The following GRM1 variants were observed in gnomAD, a reference collection of about 807,000 sequenced individuals.
The protein encoded by GRM1 is glutamate metabotropic receptor 1.
Under a neutral mutation model 90.9 loss-of-function variants are expected in GRM1, and 33 were observed. The ratio of observed to expected loss-of-function variants is 0.36; its 90% CI spans 0.28 to 0.49. The LOEUF is 0.49. Ranked by LOEUF, GRM1 falls within the 20% of genes least tolerant of loss-of-function variation. The probability of loss-of-function intolerance (pLI) is 0.99; values close to 1 mark genes in which losing one functional copy is unlikely to be tolerated. For synonymous variants in GRM1, 700 were observed against 613.2 expected, an observed-to-expected ratio of 1.14 and a Z score of -2.09; for missense variants, 1,190 against 1,534.3, an observed-to-expected ratio of 0.78 and a Z score of 3.75.
intron 2 of GRM1, among the ~76,000 whole-genome samples, chr6:146,290,290 T>C (rs1782931576): frequency 1.3e-5 from 2 of 152,186 alleles, no homozygotes; most frequent in African/African-American, 4.8e-5. Context: ...GACGCAACTC[T>C]TGTTTAATGG....
rs544558857 is a variant in GRM1 at position 146,104,862 on chromosome 6, T to C, written c.701-54486T>C. Among the ~76,000 whole-genome samples, 29 of 152,278 alleles carry C rather than the reference T, an allele frequency of 1.9e-4. 1 individual carries two copies. In the South Asian group the frequency reaches 5.6e-3, roughly 29 times the overall value. On this transcript the variant is annotated intron_variant, in intron 1 of 7. Transcript: ENST00000282753. ...AAGTTAGATCTTCTACAAAGATGGGTTTAGTTAAACATGTAGTGCTTGGGG... is the reference window on the plus strand; with the variant it reads ...AAGTTAGATCTTCTACAAAGATGGGCTTAGTTAAACATGTAGTGCTTGGGG...
intron 2 of GRM1, among the ~76,000 whole-genome samples, chr6:146,185,551 C>G (rs1236375295): frequency 1.3e-5 from 2 of 152,166 alleles, no homozygotes; most frequent in Admixed American, 6.5e-5. Context: ...CAGGCCTGGG[C>G]AGCTTTCCAC....
intron 7 of GRM1, among the ~76,000 whole-genome samples, chr6:146,430,393 G>T (rs1778365698): frequency 6.6e-6 from 1 of 152,176 alleles, no homozygotes; most frequent in African/African-American, 2.4e-5. Context: ...TACTCTAAAT[G>T]CCTCTGCATT....
chr6:146,159,844 G>A (rs999127467), intron 2 of GRM1: 2 of 412,650 alleles, frequency 4.8e-6, no homozygotes, highest in Non-Finnish European at 9.1e-6. Context: ...AAGCCCAGGA[G>A]TTTGAGGTTA....
At chr6:146,045,815 A>T (rs1791310443) in intron 1 of GRM1, among the ~76,000 whole-genome samples, 1 of 148,442 alleles carries the variant, frequency 6.7e-6, no homozygotes. Context: ...GACTCTACTT[A>T]TTATCACTCT....
At chr6:146,108,600 T>C (rs749705184) in intron 1 of GRM1, among the ~76,000 whole-genome samples, 22 of 152,108 alleles carry the variant, frequency 1.4e-4, no homozygotes, top group Middle Eastern at 3.4e-3. Flanking sequence ...GCATGAAAAA[T>C]GGACTAATAC....
chr6:146,403,754 C>T (rs1295318781), intron 7 of GRM1, among the ~76,000 whole-genome samples: 7 of 151,994 alleles, frequency 4.6e-5, no homozygotes, highest in Non-Finnish European at 8.8e-5. Context: ...ATGGAAGTGG[C>T]GTGTTCTCCT....
intron 1 of GRM1, among the ~76,000 whole-genome samples, chr6:146,130,830 A>T: frequency 6.6e-6 from 1 of 152,136 alleles, no homozygotes; most frequent in Non-Finnish European, 1.5e-5. Context: ...GTTCCTTCTA[A>T]TTTCTAGAAG....
intron 1 of GRM1, among the ~76,000 whole-genome samples, chr6:146,118,077 G>C (rs1035325723): frequency 6.9e-6 from 1 of 144,472 alleles, no homozygotes; most frequent in Non-Finnish European, 1.5e-5. Flanking sequence ...AGCAAACTTT[G>C]TATGTCTTTA....
In GRM1 at chr6:146,043,796, T is replaced by TATATATATAGATATAG. The variant is rs1554260530; in HGVS notation, c.700+13588_700+13589insGATATAGATATATATA. ...AAGAGTCAGGTGATATATATATATA[T>TATATATATAGATATAG]ATATATATATATATAAAGGGAAGTG... On this transcript the variant is annotated intron_variant, in intron 1 of 7. Coordinates refer to ENST00000282753, the MANE Select transcript of GRM1 (RefSeq NM_001278064.2). Among the ~76,000 whole-genome samples the TATATATATAGATATAG allele has an allele frequency of 3.1e-3, 429 of 137,938 alleles. 14 individuals are homozygous for TATATATATAGATATAG. Among genetic ancestry groups the TATATATATAGATATAG allele is most frequent in the Non-Finnish European group, 3.4e-3 (213 of 63,446 alleles). The allele number at this position is 137,938 out of a possible 152,430, so 90.5% of individuals were successfully genotyped here. A position where few individuals can be genotyped will look rare whatever the true frequency, so the allele number is the denominator to read the frequency against.
At chr6:146,131,238 G>T (rs1776386232) in intron 1 of GRM1, among the ~76,000 whole-genome samples, 1 of 152,046 alleles carries the variant, frequency 6.6e-6, no homozygotes, top group African/African-American at 2.4e-5. Context: ...TACTGTCCTA[G>T]AATGTTGTAA....
At chr6:146,198,919 T>C (rs891305696) in intron 2 of GRM1, among the ~76,000 whole-genome samples, 1 of 152,206 alleles carries the variant, frequency 6.6e-6, no homozygotes, top group Non-Finnish European at 1.5e-5. Context: ...ATTGAGGTAA[T>C]TCCCTTCAGC....
rs578228583 is a variant in GRM1 at position 146,037,514 on chromosome 6, C to G, written c.700+7297C>G. On this transcript the variant is annotated intron_variant, in intron 1 of 7. Transcript: ENST00000282753. The stretch of plus-strand genomic sequence containing the variant: ...CTTTCTTTCCTTTTTAACCCTCATG[C>G]ACGCCTCTCATGTGAGGTCCATACT... Among the ~76,000 whole-genome samples, 50 of 152,064 alleles carry G rather than the reference C, an allele frequency of 3.3e-4. 1 individual carries two copies. Among genetic ancestry groups the G allele is most frequent in the Middle Eastern group, 3.4e-3 (1 of 294 alleles).
At chr6:146,086,072 A>C (rs1776534408) in intron 1 of GRM1, among the ~76,000 whole-genome samples, 1 of 152,108 alleles carries the variant, frequency 6.6e-6, no homozygotes, top group African/African-American at 2.4e-5. Context: ...TATGTAGGTG[A>C]TTTGATAGTG....
chr6:146,183,449 G>A (rs1362582068), intron 2 of GRM1, among the ~76,000 whole-genome samples: 1 of 152,114 alleles, frequency 6.6e-6, no homozygotes, highest in Non-Finnish European at 1.5e-5. Context: ...CAGCTCTTAG[G>A]ATTGTGGTGA....
intron 2 of GRM1, among the ~76,000 whole-genome samples, chr6:146,299,129 T>G (rs1583292454): frequency 1.3e-5 from 2 of 152,326 alleles, no homozygotes; most frequent in East Asian, 3.9e-4. Flanking sequence ...AAGTGTTTTC[T>G]CTTCAAAGTT....
intron 2 of GRM1, among the ~76,000 whole-genome samples, chr6:146,266,059 C>T (rs1037281609): frequency 2.0e-5 from 3 of 151,828 alleles, no homozygotes; most frequent in African/African-American, 4.8e-5. Flanking sequence ...TATGGTGGTG[C>T]GTGCCTGTAA....
chr6:146,356,489 A>T (rs895187139), intron 4 of GRM1, among the ~76,000 whole-genome samples: 3 of 152,100 alleles, frequency 2.0e-5, no homozygotes, highest in African/African-American at 7.2e-5. Flanking sequence ...CTCATGGCCT[A>T]ATCACCTCCT....
chr6:146,275,985 G>A (rs943219024), intron 2 of GRM1, among the ~76,000 whole-genome samples: 2 of 151,928 alleles, frequency 1.3e-5, no homozygotes, highest in Non-Finnish European at 2.9e-5. Flanking sequence ...AGAAAGAGGA[G>A]GAGGAAGGCA....
Sources: allele counts gnomAD v4.1 joint callset (sites outside exome capture counted in the v4.1 genomes callset), GRCh38; gene constraint gnomAD v4.1.1; transcripts MANE v1.5; gene names NCBI Gene and HGNC (gene_info 2026-07-23, HGNC 2026-07-21).